DPYD: variants seen among roughly 807,000 people sequenced by gnomAD.
DPYD encodes dihydropyrimidine dehydrogenase [NADP(+)].
Under a neutral mutation model 116.2 loss-of-function variants are expected in DPYD, and 109 were observed. The ratio of observed to expected loss-of-function variants is 0.94; its 90% confidence interval spans 0.80 to 1.10. The LOEUF (loss-of-function observed/expected upper bound fraction) is 1.10. Ranked by LOEUF, DPYD falls within the 50% of genes least tolerant of loss-of-function variation. The pLI, the probability that DPYD is intolerant of heterozygous loss-of-function variation, is 0.00. For synonymous variants in DPYD, 440 were observed against 432.0 expected, an observed-to-expected ratio of 1.02 and a Z score of -0.23; for missense variants, 1,302 against 1,254.5, an observed-to-expected ratio of 1.04 and a Z score of -0.57.
chr1:97,880,888 C>A (rs1422415668), intron 2 of DPYD, among the ~76,000 whole-genome samples: 1 of 151,870 alleles, frequency 6.6e-6, no homozygotes, highest in African/African-American at 2.4e-5. Flanking sequence ...GCACAATATA[C>A]CACTGAATTA....
rs966332513 is a variant in DPYD, at chr1:97,620,382, A to T, written c.851-25216T>A. Among the ~76,000 whole-genome samples the T allele has an allele frequency of 5.9e-5, 9 of 151,986 alleles. No individual in the cohort carries two copies. In the South Asian group the frequency reaches 1.9e-3, roughly 32 times the overall value. ...GGCACATGCCACCACACTCCACTATATATTTATTTATTTGTAGAGATAAAG... is the reference window on the plus strand; with the variant it reads ...GGCACATGCCACCACACTCCACTATTTATTTATTTATTTGTAGAGATAAAG... On this transcript the variant is annotated intron_variant, in intron 8 of 22. Transcript: ENST00000370192.
chr1:97,674,078 G>A (rs534986319), intron 8 of DPYD, among the ~76,000 whole-genome samples: 27 of 152,264 alleles, frequency 1.8e-4, no homozygotes, highest in African/African-American at 6.5e-4. Context: ...GAGGAATAAT[G>A]ATCAGATCTG....
chr1:97,773,971 C>G (rs1302915327), intron 3 of DPYD, among the ~76,000 whole-genome samples: 1 of 152,202 alleles, frequency 6.6e-6, no homozygotes, highest in Non-Finnish European at 1.5e-5. Context: ...CTGATTAACA[C>G]AAGCTGCCTG....
rs546546343 is a variant in DPYD at position 97,367,285 on chromosome 1, A to T, written c.2058+6276T>A. On this transcript the variant is annotated intron_variant, in intron 16 of 22. Transcript: ENST00000370192. ...AAACAAAGCCTCTCTCTTTTTTTTA[A>T]AAAAAAAAACATACAGTTTTATGCA... Among the ~76,000 whole-genome samples, 309 of 151,268 alleles carry T rather than the reference A, an allele frequency of 2.0e-3. 1 individual carries two copies. In the South Asian group the frequency reaches 0.021, roughly 10 times the overall value.
Position 97,691,797 on chromosome 1 carries a change from T to C in DPYD, c.682A>G (p.Thr228Ala). ...EKQEYVGGLS[T>A]SEIPQFRLPY... ...AGCCGGAACTGAGGAATTTCAGAAG[T>C]ACTGAAAAGAAAGGAGAAAGAAAAA... The change falls in exon 7 of 23, where the codon ACT (threonine) becomes GCT (alanine). Residue 228 changes from threonine to alanine, a missense_variant and splice_region_variant. Transcript: ENST00000370192. 1.2e-6 allele frequency: 2 copies of C among 1,613,360 alleles called. No homozygotes were observed. The highest frequency in any genetic ancestry group is 1.7e-6 in the Non-Finnish European group (2 of 1,179,530).
At chr1:97,801,923 G>C (rs1046108629) in intron 3 of DPYD, among the ~76,000 whole-genome samples, 2 of 151,714 alleles carry the variant, frequency 1.3e-5, no homozygotes, top group African/African-American at 4.8e-5. Context: ...GACTAGTAGT[G>C]TCTAATTTTC....
intron 3 of DPYD, among the ~76,000 whole-genome samples, chr1:97,759,303 T>C (rs1347395230): frequency 1.3e-5 from 2 of 152,184 alleles, no homozygotes; most frequent in Non-Finnish European, 2.9e-5. Context: ...CTTATTCCTC[T>C]TGTCCTACTT....
chr1:97,655,977 CATT>C (rs1294734051), intron 8 of DPYD, among the ~76,000 whole-genome samples: 1 of 152,114 alleles, frequency 6.6e-6, no homozygotes, highest in Non-Finnish European at 1.5e-5. Context: ...TAAAGAACAT[CATT>C]ATTTATTACG....
intron 8 of DPYD, among the ~76,000 whole-genome samples, chr1:97,627,926 G>T (rs779600007): frequency 6.6e-6 from 1 of 151,984 alleles, no homozygotes; most frequent in Admixed American, 6.6e-5. Context: ...CCATGCTAAA[G>T]ACTTTAGATG....
At chr1:97,278,909 T>C (rs1167639983) in intron 18 of DPYD, among the ~76,000 whole-genome samples, 1 of 146,850 alleles carries the variant, frequency 6.8e-6, no homozygotes, top group Non-Finnish European at 1.5e-5. Context: ...AAGACAATGG[T>C]ATTTCGTAAA....
chr1:97,718,071 T>G (rs1662712421), intron 5 of DPYD, among the ~76,000 whole-genome samples: 1 of 152,204 alleles, frequency 6.6e-6, no homozygotes, highest in Admixed American at 6.6e-5. Flanking sequence ...GTTGTACTAG[T>G]TTACTTCCCA....
At chr1:97,733,781 A>G (rs1055773664) in intron 4 of DPYD, among the ~76,000 whole-genome samples, 30 of 152,186 alleles carry the variant, frequency 2.0e-4, no homozygotes, top group African/African-American at 7.0e-4. Context: ...TATATCCATC[A>G]TATCAAAGTT....
chr1:97,870,426 C>A (rs1247958924), intron 2 of DPYD, among the ~76,000 whole-genome samples: 1 of 151,672 alleles, frequency 6.6e-6, no homozygotes, highest in African/African-American at 2.4e-5. Context: ...TTTCAAAATT[C>A]ATAAACTTCA....
rs555000412 is a variant in DPYD at position 97,856,421 on chromosome 1, G to A, written c.150+26843C>T. ...CCTAAAAGTTTTTAGAAAAAAAAAGGTCATTGGCCTATTATCAAAGCCAGA... is the reference window on the plus strand; with the variant it reads ...CCTAAAAGTTTTTAGAAAAAAAAAGATCATTGGCCTATTATCAAAGCCAGA... On this transcript the variant is annotated intron_variant, in intron 2 of 22. Coordinates refer to ENST00000370192, the MANE Select transcript of DPYD (RefSeq NM_000110.4). 5 of 152,218 alleles carry A rather than the reference G, an allele frequency of 3.3e-5. No homozygotes were observed. In the East Asian group the frequency reaches 5.8e-4, roughly 18 times the overall value. 9.4% of individuals were successfully genotyped at this position (152,218 alleles called of 1,614,324 possible).
At chr1:97,473,634 A>G (rs1370759383) in intron 13 of DPYD, among the ~76,000 whole-genome samples, 1 of 152,016 alleles carries the variant, frequency 6.6e-6, no homozygotes, top group Non-Finnish European at 1.5e-5. Context: ...TCAAGGGACA[A>G]CAAGTATTGG....
intron 8 of DPYD, among the ~76,000 whole-genome samples, chr1:97,663,549 T>C (rs1182549587): frequency 2.0e-5 from 3 of 152,270 alleles, no homozygotes; most frequent in East Asian, 3.9e-4. Flanking sequence ...ATAGCCACAA[T>C]GTAAAAATCA....
chr1:97,628,255 G>A (rs547689174), intron 8 of DPYD, among the ~76,000 whole-genome samples: 24 of 151,938 alleles, frequency 1.6e-4, no homozygotes, highest in African/African-American at 5.3e-4. Context: ...TTGCTGTAAG[G>A]ACCTATTTCT....
intron 2 of DPYD, among the ~76,000 whole-genome samples, chr1:97,867,312 C>T (rs11590802): frequency 0.068 from 10,293 of 151,856 alleles, 382 homozygotes; most frequent in Middle Eastern, 0.13. Flanking sequence ...AGTGAACACT[C>T]CTCTACATCT....
At chr1:97,522,444 C>T (rs1049760804) in intron 12 of DPYD, among the ~76,000 whole-genome samples, 2 of 152,102 alleles carry the variant, frequency 1.3e-5, no homozygotes, top group Admixed American at 6.5e-5. Context: ...GCATGTATGT[C>T]GGGCGTGGTG....
Sources: gnomAD v4.1 joint callset for allele counts (sites outside exome capture counted in the v4.1 genomes callset) on GRCh38, gnomAD v4.1.1 for gene constraint, MANE v1.5 for transcripts, NCBI Gene and HGNC (gene_info 2026-07-23, HGNC 2026-07-21) for gene names.